The following RAB11FIP5 variants were observed in gnomAD, a reference collection of about 807,000 sequenced individuals.
RAB11FIP5 encodes RAB11 family interacting protein 5.
RAB11FIP5 carries 48 observed loss-of-function variants against 85.1 expected under a neutral mutation model. The observed-to-expected ratio is 0.56, with a 90% CI of 0.45 to 0.72. RAB11FIP5 has a LOEUF of 0.72. Among genes scored for constraint, RAB11FIP5 ranks in the 30% least tolerant of loss-of-function variants. RAB11FIP5 has a pLI of 0.00. For missense variants in RAB11FIP5, 1,491 were observed against 1,687.0 expected (o/e 0.88, Z 2.04); for synonymous variants, 729 against 727.3 (o/e 1.00, Z -0.04).
Position 73,112,486 on chromosome 2 carries a change from A to T in RAB11FIP5, c.292T>A (p.Trp98Arg). The T allele has an allele frequency of 2.0e-6, 3 of 1,486,934 alleles. No homozygotes were observed. The highest frequency in any genetic ancestry group is 2.7e-6 in the Non-Finnish European group (3 of 1,123,486). 92.1% of individuals were successfully genotyped at this position (1,486,934 alleles called of 1,614,324 possible). ...CAGGCGGCGGCGGAGCTCGCGGCCC[A>T]GGGCGCCGGGCCCGCGTCGGCCTCC... The part of the protein sequence containing the change: ...AQEADAGPAP[W>R]AASSAAACEL... The change falls in exon 1 of 6, where the codon TGG (tryptophan) becomes AGG (arginine). Residue 98 changes from tryptophan (W) to arginine (R), a missense_variant. This residue lies in a region of RAB11FIP5 where 1,211 missense variants were observed against 1,338.0 expected (regional missense o/e 0.91). Coordinates refer to ENST00000486777, the MANE Select transcript of RAB11FIP5 (RefSeq NM_001371272.1).
chr2:73,110,295 A>G (rs1324565732), intron 1 of RAB11FIP5, among the ~76,000 whole-genome samples: 4 of 152,200 alleles, frequency 2.6e-5, no homozygotes, highest in Non-Finnish European at 5.9e-5. Context: ...TTGGTAGCCC[A>G]CACCAGGGTG....
chr2:73,102,199 C>T (rs1276167216), intron 1 of RAB11FIP5, among the ~76,000 whole-genome samples: 1 of 151,982 alleles, frequency 6.6e-6, no homozygotes, highest in Admixed American at 6.6e-5. Context: ...AGGAGACTAC[C>T]CCTAATGTCA....
intron 1 of RAB11FIP5, among the ~76,000 whole-genome samples, chr2:73,096,576 T>C (rs1035007943): frequency 2.6e-5 from 4 of 152,200 alleles, no homozygotes; most frequent in African/African-American, 7.2e-5. Flanking sequence ...GATTTGTCTC[T>C]TCTTTTCCCT....
At chr2:73,105,812 G>C (rs1350657173) in intron 1 of RAB11FIP5, among the ~76,000 whole-genome samples, 1 of 152,200 alleles carries the variant, frequency 6.6e-6, no homozygotes, top group Non-Finnish European at 1.5e-5. Context: ...GGAAGACATG[G>C]GGGAAGACTG....
intron 1 of RAB11FIP5, among the ~76,000 whole-genome samples, chr2:73,099,757 T>TC (rs776453741): frequency 2.4e-4 from 37 of 152,118 alleles, no homozygotes; most frequent in Admixed American, 3.9e-4. Context: ...AACATCACAG[T>TC]CCCCAGTTTC....
chr2:73,101,352 T>G (rs1574303659), intron 1 of RAB11FIP5, among the ~76,000 whole-genome samples: 1 of 152,278 alleles, frequency 6.6e-6, no homozygotes, highest in Non-Finnish European at 1.5e-5. Context: ...AACAGCCAGG[T>G]GCCTATTTGG....
Position 73,089,097 on chromosome 2 carries a change from A to C in RAB11FIP5, c.650T>G (p.Ile217Arg), listed in dbSNP as rs1274531805. The C allele has an allele frequency of 1.2e-6, 2 of 1,614,182 alleles. No homozygotes were observed. Among genetic ancestry groups the C allele is most frequent in the South Asian group, 1.1e-5 (1 of 91,084 alleles). The change falls in exon 2 of 6, where the codon ATA becomes AGA. Residue 217 changes from isoleucine to arginine, a missense_variant. Around this residue, in one of 3 missense-constraint regions of RAB11FIP5, gnomAD observed 1,211 missense variants for 1,338.0 expected, o/e 0.91. Coordinates refer to ENST00000486777, the MANE Select transcript of RAB11FIP5 (RefSeq NM_001371272.1). This position sits in a 1 kb window ranked among gnomAD's most constrained non-coding sequence, Gnocchi z 4.6. ...CAGGCTGCCCAGGTCAGGATCCTCT[A>C]TGGCGCTGCTTGGGAGGATGGCAGA... ...SASAILPSSA[I>R]EDPDLGSLGK... is the part of the protein sequence containing the mutation.
Position 73,075,733 on chromosome 2 carries a change from G to A in RAB11FIP5, c.3772-9C>T, listed in dbSNP as rs369401209. On this transcript the variant is annotated splice_polypyrimidine_tract_variant and intron_variant, in intron 5 of 5. Transcript: ENST00000486777. The surrounding 1 kb of genome is among the most constrained non-coding windows in gnomAD (Gnocchi z 4.6). ...TCCAGCACAGCTGAGTCCTGAGGCC[G>A]GACCGAAGACAGTGAGCAGGGCAGC... 38 of 1,587,352 alleles carry A rather than the reference G, an allele frequency of 2.4e-5. 1 individual carries two copies. Among genetic ancestry groups the A allele is most frequent in the South Asian group, 8.0e-5 (7 of 87,576 alleles).
At chr2:73,112,315 G>A (rs1684674410) in intron 1 of RAB11FIP5, 32 bp downstream of exon 1, 2 of 1,542,098 alleles carry the variant, frequency 1.3e-6, no homozygotes, top group Non-Finnish European at 1.7e-6. Flanking sequence ...TAGGCCTTTA[G>A]CCGTTTCTGT....
In RAB11FIP5 at chr2:73,088,421, T is replaced by C. The variant is rs760021988; in HGVS notation, c.1197A>G (p.Ala399=). 1 of 1,613,952 alleles carries C rather than the reference T, an allele frequency of 6.2e-7. No individual in the cohort carries two copies. The highest frequency in any genetic ancestry group is 8.5e-7 in the Non-Finnish European group (1 of 1,180,032). ...CACTCAGCTCCTCCTGTCCAAGCACTGCCTCTGAGCTGCTGTTGCTACGAC... is the reference window on the plus strand; with the variant it reads ...CACTCAGCTCCTCCTGTCCAAGCACCGCCTCTGAGCTGCTGTTGCTACGAC... ...RGSRSNSSSE[A]VLGQEELSAQ... Residue 399 remains alanine, a synonymous_variant, in exon 3 of 6, where the codon GCA becomes GCG. Transcript: ENST00000486777.
chr2:73,098,608 CGACCTT>C (rs1684368708), intron 1 of RAB11FIP5, among the ~76,000 whole-genome samples: 1 of 152,116 alleles, frequency 6.6e-6, no homozygotes, highest in Non-Finnish European at 1.5e-5. Context: ...CCAGAGCCCC[CGACCTT>C]GACCACTATA....
At chr2:73,103,334 C>T (rs1350299185) in intron 1 of RAB11FIP5, among the ~76,000 whole-genome samples, 1 of 152,170 alleles carries the variant, frequency 6.6e-6, no homozygotes, top group Non-Finnish European at 1.5e-5. Flanking sequence ...AGACCCCAGC[C>T]AGGTCCAGCC....
At chr2:73,077,642 G>A (rs1343216813) in intron 4 of RAB11FIP5, among the ~76,000 whole-genome samples, 1 of 152,140 alleles carries the variant, frequency 6.6e-6, no homozygotes, top group Non-Finnish European at 1.5e-5. Context: ...CTTCTGTCTG[G>A]AACAACATTG....
chr2:73,080,461 C>A lies in RAB11FIP5; in HGVS notation c.2771G>T (p.Gly924Val), dbSNP rs986307669. 5 of 1,233,698 alleles carry A rather than the reference C, an allele frequency of 4.1e-6. No homozygotes were observed. Among genetic ancestry groups the A allele is most frequent in the Non-Finnish European group, 5.1e-6 (5 of 988,834 alleles). 76.4% of individuals were successfully genotyped at this position (1,233,698 alleles called of 1,614,324 possible). ...TGTCTCCGGCCCCCTGTTACTCAGC[C>A]CCACTGCGGCCTTCTCCTCCTCCTC... is the stretch of plus-strand genomic sequence containing the variant. The part of the protein sequence containing the change: ...QEEEEEKAAV[G>V]LSNRGPETEG... The change falls in exon 4 of 6, where the codon GGG becomes GTG. Residue 924 changes from glycine to valine, a missense_variant. Physicochemically the swap from Gly to Val is moderately radical, Grantham distance 109. Around this residue, in one of 3 missense-constraint regions of RAB11FIP5, gnomAD observed 1,211 missense variants for 1,338.0 expected, o/e 0.91. Transcript: ENST00000486777.
intron 1 of RAB11FIP5, among the ~76,000 whole-genome samples, chr2:73,095,021 G>A (rs866883556): frequency 2.0e-5 from 3 of 152,170 alleles, no homozygotes; most frequent in Middle Eastern, 3.4e-3. Context: ...CCCACCTGGT[G>A]CTCAGAGTCC....
chr2:73,088,505 G>C lies in RAB11FIP5; in HGVS notation c.1113C>G (p.Val371=), dbSNP rs149292751. ...GCCCCTCCTCGGAGAACCGGGAAGA[G>C]ACAGCTTGCAAGGAGCCAGAGGATG... The part of the protein sequence containing the change: ...SLPSSGSLQA[V]SSRFSEEGPR... The change falls in exon 3 of 6, where the codon GTC becomes GTG. Residue 371 remains valine (V), a synonymous_variant. Transcript: ENST00000486777. 1 of 1,613,922 alleles carries C rather than the reference G, an allele frequency of 6.2e-7. No individual in the cohort carries two copies. Among genetic ancestry groups the C allele is most frequent in the African/African-American group, 1.3e-5 (1 of 74,954 alleles).
intron 3 of RAB11FIP5, among the ~76,000 whole-genome samples, chr2:73,085,582 G>T (rs1189930362): frequency 6.6e-6 from 1 of 152,142 alleles, no homozygotes; most frequent in Non-Finnish European, 1.5e-5. Flanking sequence ...AGACAAGCTT[G>T]GTCTCAACTA....
intron 1 of RAB11FIP5, among the ~76,000 whole-genome samples, chr2:73,104,569 A>AAAAAC (rs1012757172): frequency 5.3e-5 from 8 of 152,324 alleles, no homozygotes; most frequent in African/African-American, 9.6e-5. Context: ...CTCTGTCTCA[A>AAAAAC]AAAACAAAAC....
chr2:73,083,340 A>G (rs534911529), intron 3 of RAB11FIP5, among the ~76,000 whole-genome samples: 70 of 152,292 alleles, frequency 4.6e-4, no homozygotes, highest in Non-Finnish European at 7.8e-4. Flanking sequence ...CCAACTAAAC[A>G]GAGGCACAGG....
Sources: gnomAD v4.1 joint callset for allele counts (sites outside exome capture counted in the v4.1 genomes callset) on GRCh38, gnomAD v4.1.1 for gene constraint, gnomAD v4.1.1 regional missense constraint, Gnocchi (gnomAD v3.1) non-coding constraint, MANE v1.5 for transcripts, NCBI Gene and HGNC (gene_info 2026-07-23, HGNC 2026-07-21) for gene names.